TMC7: variants seen among roughly 807,000 people sequenced by gnomAD.
TMC7 encodes transmembrane channel like 7, also known as transmembrane channel-like protein 7.
A neutral mutation model predicts 82.9 loss-of-function variants in TMC7; 54 were observed. The ratio of observed to expected loss-of-function variants is 0.65; its 90% confidence interval spans 0.52 to 0.82. The LOEUF (loss-of-function observed/expected upper bound fraction) is 0.82. Ranked by LOEUF, TMC7 falls within the 40% of genes least tolerant of loss-of-function variation. TMC7 has a pLI of 0.00. For missense variants in TMC7, 820 were observed against 901.2 expected (o/e 0.91, Z 1.15); for synonymous variants, 350 against 337.9 (o/e 1.04, Z -0.39).
intron 1 of TMC7, among the ~76,000 whole-genome samples, chr16:18,990,047 T>TTC (rs778751108): frequency 6.4e-4 from 97 of 152,008 alleles, no homozygotes; most frequent in Non-Finnish European, 1.3e-3. Context: ...GGCGGTGAAG[T>TTC]TAAGAGCAAT....
chr16:19,056,748 G>T (rs377755398), intron 14 of TMC7, 51 bp downstream of exon 14: 4 of 1,591,628 alleles, frequency 2.5e-6, no homozygotes, highest in Admixed American at 3.5e-5. Flanking sequence ...CCTCCCATTG[G>T]GAAATGGCGG....
At chr16:19,009,481 T>G in intron 2 of TMC7, 66 bp downstream of exon 2, 2 of 1,526,208 alleles carry the variant, frequency 1.3e-6, no homozygotes, top group Non-Finnish European at 1.8e-6. Context: ...GTTTTGTGCG[T>G]GAAATGCATT....
At chr16:19,049,512 T>C (rs1298049819) in intron 12 of TMC7, 1 of 539,090 alleles carries the variant, frequency 1.9e-6, no homozygotes, top group African/African-American at 2.0e-5. Context: ...TTTTGAAGAA[T>C]GTTCTGATGC....
chr16:19,005,388 C>A (rs971246760), intron 1 of TMC7, among the ~76,000 whole-genome samples: 5 of 152,214 alleles, frequency 3.3e-5, no homozygotes, highest in African/African-American at 1.2e-4. Flanking sequence ...ACGCCTGGCC[C>A]GCATGTTAAA....
intron 1 of TMC7, among the ~76,000 whole-genome samples, chr16:19,004,783 T>G (rs1371969694): frequency 6.6e-6 from 1 of 152,222 alleles, no homozygotes; most frequent in Non-Finnish European, 1.5e-5. Flanking sequence ...GTTCCAACAC[T>G]TACTGTGTGA....
chr16:19,026,980 T>A (rs4782195), intron 5 of TMC7, among the ~76,000 whole-genome samples: 44,439 of 149,246 alleles, frequency 0.3, 6,770 homozygotes, highest in Non-Finnish European at 0.33. Flanking sequence ...CAGGCTGGTC[T>A]TGAACTCCTG....
At chr16:19,012,918 G>T (rs968924298) in intron 2 of TMC7, among the ~76,000 whole-genome samples, 2 of 147,766 alleles carry the variant, frequency 1.4e-5, no homozygotes, top group African/African-American at 2.5e-5. Context: ...CCAGGTTCAA[G>T]CAATTCTCCT....
intron 6 of TMC7, 133 bp from the exon 7 acceptor site, chr16:19,035,543 C>A: frequency 9.9e-7 from 1 of 1,008,090 alleles, no homozygotes; most frequent in Non-Finnish European, 1.5e-6. Context: ...TTAGAATGGC[C>A]CCAAACTTGA....
At position 19,033,604 on chromosome 16, in the gene TMC7, A is replaced by C. The variant is rs541301864; in HGVS notation, c.858-2072A>C. Reference sequence around the variant, plus strand: ...GAGGCTGAGGTGGGAGGATCACCTGAACTTGGTGAGGCTGAGGCTGCAGTG... The same window carrying C: ...GAGGCTGAGGTGGGAGGATCACCTGCACTTGGTGAGGCTGAGGCTGCAGTG... On this transcript the variant is annotated intron_variant, in intron 6 of 15. Transcript: ENST00000304381. 7.2e-5 allele frequency: 11 copies of C among 152,438 alleles called. No homozygotes were observed. In the East Asian group the frequency reaches 1.2e-3, roughly 16 times the overall value. The allele number at this position is 152,438 out of a possible 1,614,324, so 9.4% of individuals were successfully genotyped here.
chr16:19,006,330 ACG>A (rs1395907221), intron 1 of TMC7, among the ~76,000 whole-genome samples: 2 of 151,844 alleles, frequency 1.3e-5, no homozygotes, highest in Non-Finnish European at 1.5e-5. Context: ...GATTACAGGC[ACG>A]CGCTAGCGTG....
intron 5 of TMC7, among the ~76,000 whole-genome samples, chr16:19,029,092 G>A (rs1359562885): frequency 6.7e-6 from 1 of 149,490 alleles, no homozygotes; most frequent in Non-Finnish European, 1.5e-5. Flanking sequence ...TGCAAGATCC[G>A]CCTCCCGGGT....
intron 2 of TMC7, among the ~76,000 whole-genome samples, chr16:19,010,085 CTTTCCTT>C (rs1190072190): frequency 3.8e-5 from 5 of 131,250 alleles, no homozygotes; most frequent in East Asian, 2.5e-4. Flanking sequence ...CTTTCCTTTC[CTTTCCTT>C]TTTCCTTTTT....
At chr16:19,011,761 C>T (rs1959362640) in intron 2 of TMC7, among the ~76,000 whole-genome samples, 1 of 152,038 alleles carries the variant, frequency 6.6e-6, no homozygotes, top group African/African-American at 2.4e-5. Flanking sequence ...GGATGATACA[C>T]TGTACCTTGT....
chr16:19,019,864 TA>T (rs1221948557), intron 3 of TMC7, among the ~76,000 whole-genome samples: 14 of 152,166 alleles, frequency 9.2e-5, no homozygotes, highest in Non-Finnish European at 1.9e-4. Context: ...GTGTGATAAT[TA>T]AATTTCTTGC....
intron 1 of TMC7, among the ~76,000 whole-genome samples, chr16:19,001,526 A>G (rs956361839): frequency 1.3e-5 from 2 of 152,108 alleles, no homozygotes; most frequent in Admixed American, 6.6e-5. Context: ...ATTAAAATAT[A>G]TGCATATTAA....
intron 1 of TMC7, among the ~76,000 whole-genome samples, chr16:19,005,644 A>G (rs4444327): frequency 0.52 from 79,715 of 152,074 alleles, 23,768 homozygotes; most frequent in East Asian, 0.82. Context: ...CCCTGACCCC[A>G]CAGCTGTTGA....
chr16:19,017,667 GTTTTTTTTT>G (rs35738895), intron 3 of TMC7, among the ~76,000 whole-genome samples: 2 of 111,114 alleles, frequency 1.8e-5, no homozygotes, highest in African/African-American at 6.7e-5. Flanking sequence ...TCAAAAAACA[GTTTTTTTTT>G]TTTTTTTTTT....
intron 1 of TMC7, among the ~76,000 whole-genome samples, chr16:18,986,445 A>G (rs916833061): frequency 1.3e-5 from 2 of 151,664 alleles, no homozygotes; most frequent in African/African-American, 2.4e-5. Flanking sequence ...AATCCCAGCT[A>G]CTGGGGAGCC....
chr16:19,004,763 TG>T lies in TMC7; in HGVS notation c.68-4406del, dbSNP rs1363597434. 3.3e-5 allele frequency among the ~76,000 whole-genome samples: 5 copies of T among 152,354 alleles called. No individual in the cohort carries two copies. In the East Asian group the frequency reaches 9.6e-4, roughly 29 times the overall value. On this transcript the variant is annotated intron_variant, in intron 1 of 15. Coordinates refer to ENST00000304381, the MANE Select transcript of TMC7 (RefSeq NM_024847.4). ...GCTTTGGGGTCTGATAAACCTGTGA[TG>T]GGTTCCTAGTTCCAACACTTACTGT... is the stretch of plus-strand genomic sequence containing the variant.
Sources: gnomAD v4.1 joint callset for allele counts (sites outside exome capture counted in the v4.1 genomes callset) on GRCh38, gnomAD v4.1.1 for gene constraint, MANE v1.5 for transcripts, NCBI Gene and HGNC (gene_info 2026-07-23, HGNC 2026-07-21) for gene names.